The following INAVA variants were observed in gnomAD, a reference collection of about 807,000 sequenced individuals.
INAVA encodes innate immunity activator, also known as innate immunity activator protein.
Under a neutral mutation model 55.3 loss-of-function variants are expected in INAVA, and 32 were observed. The ratio of observed to expected loss-of-function variants is 0.58; its 90% CI spans 0.44 to 0.78. The LOEUF (loss-of-function observed/expected upper bound fraction) is 0.78, where lower values mean the gene tolerates loss of function less well. INAVA is among the 30% of genes least tolerant of loss of function. INAVA has a pLI of 0.00. For synonymous variants in INAVA, 294 were observed against 329.4 expected (o/e 0.89, Z 1.16); for missense variants, 756 against 786.4 (o/e 0.96, Z 0.46).
intron 5 of INAVA, among the ~76,000 whole-genome samples, chr1:200,902,379 C>G (rs1010637459): frequency 6.6e-6 from 1 of 152,224 alleles, no homozygotes; most frequent in African/African-American, 2.4e-5. Flanking sequence ...GACCAGACAC[C>G]ACCCAGGTCA....
chr1:200,904,064 C>T (rs964614281), intron 5 of INAVA, among the ~76,000 whole-genome samples: 22 of 152,096 alleles, frequency 1.4e-4, no homozygotes, highest in African/African-American at 5.3e-4. Context: ...ATCAACAACA[C>T]CAGCCATTAG....
chr1:200,899,666 G>A, intron 3 of INAVA, 69 bp downstream of exon 3: 1 of 1,571,548 alleles, frequency 6.4e-7, no homozygotes, highest in South Asian at 1.2e-5. Flanking sequence ...GTGTGGGGAT[G>A]CGGGAGCTGG....
intron 8 of INAVA, among the ~76,000 whole-genome samples, chr1:200,910,740 C>A (rs1653676297): frequency 6.6e-6 from 1 of 152,228 alleles, no homozygotes; most frequent in Non-Finnish European, 1.5e-5. Context: ...CGCCACCACA[C>A]AGCAATAGAT....
At position 200,911,628 on chromosome 1, in the gene INAVA, A is replaced by T; in HGVS notation, c.1135A>T (p.Ile379Phe). The change falls in exon 9 of 10, where the codon ATC becomes TTC. Residue 379 changes from isoleucine to phenylalanine, a missense_variant. Physicochemically the swap from Ile to Phe is conservative, Grantham distance 21. Transcript: ENST00000413687. Reference sequence around the variant, plus strand: ...AGACAGTGGCTCTGACGTCTCCAGCATCTCCCACCCCACTTCGCCGGGCAG... The same window carrying T: ...AGACAGTGGCTCTGACGTCTCCAGCTTCTCCCACCCCACTTCGCCGGGCAG... The part of the protein sequence containing the change: ...SEDSGSDVSS[I>F]SHPTSPGSSS... The T allele has an allele frequency of 6.2e-7, 1 of 1,613,876 alleles. No individual in the cohort carries two copies. The highest frequency in any genetic ancestry group is 1.1e-5 in the South Asian group (1 of 91,060).
chr1:200,896,876 G>C (rs966200391), intron 1 of INAVA, among the ~76,000 whole-genome samples: 4 of 152,238 alleles, frequency 2.6e-5, no homozygotes, highest in Non-Finnish European at 5.9e-5. Context: ...CCCGCGCTCT[G>C]AGGAGGCAGG....
At chr1:200,912,243 A>G in intron 9 of INAVA, 106 bp downstream of exon 9, 1 of 1,069,340 alleles carries the variant, frequency 9.4e-7, no homozygotes, top group Admixed American at 3.0e-5. Context: ...CAAAGCAGCA[A>G]CCTAGTGGCC....
Position 200,909,221 on chromosome 1 carries a change from C to T in INAVA, c.786-3C>T, listed in dbSNP as rs371065228. The T allele has an allele frequency of 1.1e-5, 16 of 1,500,398 alleles. No homozygotes were observed. Among genetic ancestry groups the T allele is most frequent in the Non-Finnish European group, 1.4e-5 (16 of 1,120,820 alleles). The allele number at this position is 1,500,398 out of a possible 1,614,324, so 92.9% of individuals were successfully genotyped here. ...CACTGACCTGTCTCTAATCCTTTTG[C>T]AGCAGCCCAGCCACCACACCACAGG... On this transcript the variant is annotated splice_polypyrimidine_tract_variant and splice_region_variant and intron_variant, in intron 7 of 9. Transcript: ENST00000413687.
intron 8 of INAVA, among the ~76,000 whole-genome samples, chr1:200,909,934 A>G (rs990492529): frequency 6.6e-6 from 1 of 152,204 alleles, no homozygotes; most frequent in African/African-American, 2.4e-5. Flanking sequence ...ACCTTACTTA[A>G]TATGGGTTGT....
chr1:200,908,561 A>G lies in INAVA; in HGVS notation c.575-169A>G, dbSNP rs1653584542. ...CTGTGTGGGAAGAAGTAAGTCCCAA[A>G]GGAGAAGAAAACATGTTTGAGCATC... is the stretch of plus-strand genomic sequence containing the variant. On this transcript the variant is annotated intron_variant, in intron 6 of 9. Coordinates refer to ENST00000413687, the MANE Select transcript of INAVA (RefSeq NM_001142569.3). 6.7e-6 allele frequency: 4 copies of G among 592,984 alleles called. No individual in the cohort carries two copies. The Admixed American group carries it at 9.9e-5, about 15-fold the overall frequency. The allele number at this position is 592,984 out of a possible 1,614,324, so 36.7% of individuals were successfully genotyped here.
chr1:200,910,738 C>T (rs1653676217), intron 8 of INAVA, among the ~76,000 whole-genome samples: 1 of 152,220 alleles, frequency 6.6e-6, no homozygotes, highest in Non-Finnish European at 1.5e-5. Context: ...TCCGCCACCA[C>T]ACAGCAATAG....
rs1456644448 is a variant in INAVA, at chr1:200,911,570, G to A, written c.1077G>A (p.Pro359=). The A allele has an allele frequency of 3.7e-6, 6 of 1,613,382 alleles. No individual in the cohort carries two copies. The Admixed American group carries it at 1.0e-4, about 27-fold the overall frequency. Residue 359 remains proline, a synonymous_variant, in exon 9 of 10, where the codon CCG becomes CCA. Coordinates refer to ENST00000413687, the MANE Select transcript of INAVA (RefSeq NM_001142569.3). Reference sequence around the variant, plus strand: ...CCTGCTTTCCCGCGACCAAGCCCCCGCTGCCCCACGCCGCCTGCCACTCCT... The same window carrying A: ...CCTGCTTTCCCGCGACCAAGCCCCCACTGCCCCACGCCGCCTGCCACTCCT... ...PDSCFPATKP[P]LPHAACHSCS...
upstream of INAVA, among the ~76,000 whole-genome samples, chr1:200,893,069 C>T (rs1668267097): frequency 6.6e-6 from 1 of 152,174 alleles, no homozygotes; most frequent in Admixed American, 6.5e-5. Flanking sequence ...TTGTTTTTCA[C>T]CAACCTTTAA....
At chr1:200,901,850 A>C (rs1470520148) in intron 5 of INAVA, among the ~76,000 whole-genome samples, 1 of 152,112 alleles carries the variant, frequency 6.6e-6, no homozygotes, top group Non-Finnish European at 1.5e-5. Flanking sequence ...GGGGGCACCT[A>C]GTGAGTTGTT....
In INAVA at chr1:200,895,043, A is replaced by G; in HGVS notation, c.-139A>G. 1.0e-6 allele frequency: 1 copy of G among 985,584 alleles called. No individual in the cohort carries two copies. The highest frequency in any genetic ancestry group is 1.2e-6 in the Non-Finnish European group (1 of 830,112). 61.1% of individuals were successfully genotyped at this position (985,584 alleles called of 1,614,324 possible). A position where few individuals can be genotyped will look rare whatever the true frequency, so the allele number is the denominator to read the frequency against. On this transcript the variant is annotated 5_prime_UTR_variant, in exon 1 of 10. Coordinates refer to ENST00000413687, the MANE Select transcript of INAVA (RefSeq NM_001142569.3). The stretch of plus-strand genomic sequence containing the variant: ...TGAGGGCCCTGAGCCCCCTGACTGG[A>G]AGCAGGGGCTGTTTTTCAACTCCTG...
In INAVA at chr1:200,911,505, C is replaced by A; in HGVS notation, c.1012C>A (p.Arg338Ser). The A allele has an allele frequency of 6.2e-7, 1 of 1,613,730 alleles. No homozygotes were observed. The highest frequency in any genetic ancestry group is 1.7e-5 in the Admixed American group (1 of 60,012). Residue 338 changes from arginine to serine, a missense_variant, in exon 9 of 10, where the codon CGC (arginine) becomes AGC (serine). This residue lies in a region of INAVA where 639 missense variants were observed against 624.3 expected (regional missense o/e 1.02). Coordinates refer to ENST00000413687, the MANE Select transcript of INAVA (RefSeq NM_001142569.3). ...GGGCCGAGGTCGCAGCGCCTTTCCC[C>A]GCCGCCGCCCCACTCACTACACGGT... ...PEGRGRSAFP[R>S]RRPTHYTVTV...
chr1:200,911,415 GC>G (rs763043941), intron 8 of INAVA, 37 bp from the exon 9 acceptor site: 2 of 1,561,362 alleles, frequency 1.3e-6, no homozygotes, highest in East Asian at 2.3e-5. Flanking sequence ...TGGAGTTTCT[GC>G]CCCCCACACT....
In INAVA at chr1:200,896,076, C is replaced by T. The variant is rs180775987; in HGVS notation, c.-95+989C>T. Reference sequence around the variant, plus strand: ...AGGGGAAGCTGGCGGAGACGGGAGGCGTGCTAAGGTACCCCTCTGTCCCTG... The same window carrying T: ...AGGGGAAGCTGGCGGAGACGGGAGGTGTGCTAAGGTACCCCTCTGTCCCTG... On this transcript the variant is annotated intron_variant, in intron 1 of 9. Coordinates refer to ENST00000413687, the MANE Select transcript of INAVA (RefSeq NM_001142569.3). Among the ~76,000 whole-genome samples the T allele has an allele frequency of 4.8e-3, 726 of 152,198 alleles. 6 individuals carry two copies. Among genetic ancestry groups the T allele is most frequent in the African/African-American group, 0.016 (681 of 41,524 alleles).
chr1:200,901,978 C>T (rs1653274484), intron 5 of INAVA, among the ~76,000 whole-genome samples: 1 of 152,202 alleles, frequency 6.6e-6, no homozygotes, highest in Admixed American at 6.5e-5. Context: ...GCCAGCCTGT[C>T]AGGTCAGGAC....
intron 6 of INAVA, 88 bp from the exon 7 acceptor site, chr1:200,908,642 G>GACTGA: frequency 8.9e-7 from 1 of 1,121,778 alleles, no homozygotes; most frequent in East Asian, 2.5e-5. Flanking sequence ...GAGGGAGAGC[G>GACTGA]GCGAGGCATG....
Sources: allele counts gnomAD v4.1 joint callset (sites outside exome capture counted in the v4.1 genomes callset), GRCh38; gene constraint gnomAD v4.1.1; regional missense constraint gnomAD v4.1.1; transcripts MANE v1.5; gene names NCBI Gene and HGNC (gene_info 2026-07-23, HGNC 2026-07-21).